Variants in WDR70 observed in about 807,000 individuals in gnomAD.
The protein encoded by WDR70 is WD repeat-containing protein 70.
Under a neutral mutation model 88.6 loss-of-function variants are expected in WDR70, and 53 were observed. The observed-to-expected ratio is 0.60, with a 90% CI of 0.48 to 0.75. WDR70 has a LOEUF of 0.75. WDR70 is among the 30% of genes least tolerant of loss of function. WDR70 has a pLI of 0.00. For synonymous variants in WDR70, 280 were observed against 270.0 expected (o/e 1.04, Z -0.36); for missense variants, 610 against 823.2 (o/e 0.74, Z 3.17).
At position 37,396,406 on chromosome 5, in the gene WDR70, T is replaced by C; in HGVS notation, c.328T>C (p.Ser110Pro). Residue 110 changes from serine (S) to proline (P), a missense_variant, in exon 5 of 18, where the codon TCT (serine) becomes CCT (proline). Physicochemically the swap from Ser to Pro is moderately conservative, Grantham distance 74. Coordinates refer to ENST00000265107, the MANE Select transcript of WDR70 (RefSeq NM_018034.4). Reference protein sequence around the residue: ...DTSSSESEQSSDSSDDELIGP... With the variant: ...DTSSSESEQSPDSSDDELIGP... ...GAGCAGCAGTGAAAGTGAACAGAGT[T>C]CTGACTCTTCTGATGATGAGTTAAT... is the stretch of plus-strand genomic sequence containing the variant. The C allele has an allele frequency of 6.2e-7, 1 of 1,613,592 alleles. No individual in the cohort carries two copies. Among genetic ancestry groups the C allele is most frequent in the Non-Finnish European group, 8.5e-7 (1 of 1,179,810 alleles).
intron 9 of WDR70, among the ~76,000 whole-genome samples, chr5:37,535,778 G>A (rs763779134): frequency 2.0e-5 from 3 of 152,094 alleles, no homozygotes; most frequent in Non-Finnish European, 2.9e-5. Flanking sequence ...CACAGCAGTC[G>A]GATAGGTGGT....
At chr5:37,395,861 C>G (rs376171503) in intron 4 of WDR70, among the ~76,000 whole-genome samples, 7 of 152,094 alleles carry the variant, frequency 4.6e-5, no homozygotes, top group African/African-American at 1.7e-4. Context: ...AGTAGAGTGA[C>G]GCAGTCATGG....
intron 7 of WDR70, among the ~76,000 whole-genome samples, chr5:37,468,141 G>T (rs1257252057): frequency 2.0e-5 from 3 of 152,152 alleles, no homozygotes; most frequent in Admixed American, 6.5e-5. Context: ...GAGCCACTGC[G>T]CCCGGCCTAT....
At chr5:37,744,150 A>G (rs535994663) in intron 17 of WDR70, among the ~76,000 whole-genome samples, 61 of 152,112 alleles carry the variant, frequency 4.0e-4, no homozygotes, top group African/African-American at 1.4e-3. Context: ...CCTGAAGTGA[A>G]CCCCCAGCAA....
intron 6 of WDR70, among the ~76,000 whole-genome samples, chr5:37,440,954 GTA>G (rs1401163854): frequency 9.9e-5 from 15 of 152,142 alleles, no homozygotes; most frequent in African/African-American, 1.9e-4. Flanking sequence ...AGTAGAGTTT[GTA>G]TTTTGTGCCA....
At chr5:37,417,158 G>T (rs1428702311) in intron 5 of WDR70, among the ~76,000 whole-genome samples, 2 of 152,178 alleles carry the variant, frequency 1.3e-5, no homozygotes, top group Non-Finnish European at 2.9e-5. Flanking sequence ...CATACTTTAA[G>T]TGCAGTGACA....
chr5:37,751,448 C>A (rs2112750956), intron 17 of WDR70, among the ~76,000 whole-genome samples: 1 of 152,274 alleles, frequency 6.6e-6, no homozygotes, highest in African/African-American at 2.4e-5. Flanking sequence ...ACGAGCAATT[C>A]TAGTACATGA....
At chr5:37,401,026 G>A (rs1480569391) in intron 5 of WDR70, among the ~76,000 whole-genome samples, 2 of 151,748 alleles carry the variant, frequency 1.3e-5, no homozygotes, top group Non-Finnish European at 2.9e-5. Flanking sequence ...TTTGAGATGG[G>A]GTCTCTCTGT....
chr5:37,511,459 C>G (rs1409677763), intron 8 of WDR70, among the ~76,000 whole-genome samples: 2 of 151,334 alleles, frequency 1.3e-5, no homozygotes, highest in African/African-American at 4.9e-5. Context: ...TTTAATACAA[C>G]AAAATGTTCC....
At chr5:37,444,798 G>A (rs911702646) in intron 7 of WDR70, among the ~76,000 whole-genome samples, 1 of 152,086 alleles carries the variant, frequency 6.6e-6, no homozygotes, top group Non-Finnish European at 1.5e-5. Context: ...TAGCGTGGAG[G>A]TCGGGGTGGT....
At chr5:37,591,186 A>G (rs868764545) in intron 9 of WDR70, among the ~76,000 whole-genome samples, 14 of 152,258 alleles carry the variant, frequency 9.2e-5, no homozygotes, top group African/African-American at 2.6e-4. Context: ...TACAAAAGTT[A>G]GCCAGGCATA....
chr5:37,651,697 G>T (rs4541680), intron 10 of WDR70, among the ~76,000 whole-genome samples: 87,199 of 152,024 alleles, frequency 0.57, 25,197 homozygotes, highest in African/African-American at 0.61. Flanking sequence ...TTTGCATTTC[G>T]CTAATGACCA....
chr5:37,635,264 T>G (rs1237729082), intron 10 of WDR70, among the ~76,000 whole-genome samples: 1 of 152,184 alleles, frequency 6.6e-6, no homozygotes, highest in East Asian at 1.9e-4. Flanking sequence ...CATTTCTCAG[T>G]ATGTGTGTGG....
intron 10 of WDR70, among the ~76,000 whole-genome samples, chr5:37,641,668 C>T (rs1295226418): frequency 1.3e-5 from 2 of 152,034 alleles, no homozygotes; most frequent in South Asian, 2.1e-4. Context: ...CTGTTTGCCT[C>T]GGCCTCCCAA....
At chr5:37,705,751 A>G (rs1158378288) in intron 13 of WDR70, among the ~76,000 whole-genome samples, 1 of 152,178 alleles carries the variant, frequency 6.6e-6, no homozygotes. Context: ...ACTCCAAGGT[A>G]GTAAGGAACT....
intron 5 of WDR70, among the ~76,000 whole-genome samples, chr5:37,426,389 A>T (rs1750124502): frequency 6.6e-6 from 1 of 152,190 alleles, no homozygotes; most frequent in African/African-American, 2.4e-5. Context: ...TGTTTTAGTT[A>T]TCTACTTCTA....
At chr5:37,478,492 A>G (rs1013078608) in intron 7 of WDR70, among the ~76,000 whole-genome samples, 1 of 152,188 alleles carries the variant, frequency 6.6e-6, no homozygotes, top group African/African-American at 2.4e-5. Context: ...ACACACTTTG[A>G]AATGTCTGTA....
intron 8 of WDR70, among the ~76,000 whole-genome samples, chr5:37,512,607 G>C (rs1348183447): frequency 6.7e-6 from 1 of 150,368 alleles, no homozygotes; most frequent in Non-Finnish European, 1.5e-5. Context: ...TTTGAGACAG[G>C]GTCTTGCTCT....
At chr5:37,696,796 TC>T (rs1258604509) in intron 10 of WDR70, among the ~76,000 whole-genome samples, 7 of 152,220 alleles carry the variant, frequency 4.6e-5, no homozygotes, top group Non-Finnish European at 7.3e-5. Flanking sequence ...GTAATTGACT[TC>T]CTAGTACCTT....
Sources: gnomAD v4.1 joint callset for allele counts (sites outside exome capture counted in the v4.1 genomes callset) on GRCh38, gnomAD v4.1.1 for gene constraint, MANE v1.5 for transcripts, NCBI Gene and HGNC (gene_info 2026-07-23, HGNC 2026-07-21) for gene names.